Variants in KIRREL3 observed in about 807,000 individuals in gnomAD.
KIRREL3 encodes kin of IRRE-like protein 3.
KIRREL3 carries 36 observed loss-of-function variants against 89.7 expected under a neutral mutation model. The ratio of observed to expected loss-of-function variants is 0.40; its 90% CI spans 0.31 to 0.53. The LOEUF is 0.53. Among genes scored for constraint, KIRREL3 ranks in the 20% least tolerant of loss-of-function variants. KIRREL3 has a pLI of 0.49. For missense variants in KIRREL3, 864 were observed against 1,056.6 expected (o/e 0.82, Z 2.53); for synonymous variants, 445 against 441.4 (o/e 1.01, Z -0.10).
chr11:126,446,541 A>G (rs1955820524), intron 9 of KIRREL3, among the ~76,000 whole-genome samples: 1 of 152,230 alleles, frequency 6.6e-6, no homozygotes, highest in South Asian at 2.1e-4. Flanking sequence ...GGTTTAGGAC[A>G]GGGCAAGAGT....
At chr11:126,472,731 A>AGAGAGAGAGAGAGAGAGAGAGAGC (rs1416539561) in intron 5 of KIRREL3, among the ~76,000 whole-genome samples, 1 of 151,556 alleles carries the variant, frequency 6.6e-6, no homozygotes, top group East Asian at 1.9e-4. Flanking sequence ...AGAGAGAGAG[A>AGAGAGAGAGAGAGAGAGAGAGAGC]GCACAAGTCA....
rs886170876 is a variant in KIRREL3 at position 126,970,947 on chromosome 11, G to C, written c.55+29508C>G. On this transcript the variant is annotated intron_variant, in intron 1 of 16. Transcript: ENST00000525144. This position sits in a 1 kb window ranked among gnomAD's most constrained non-coding sequence, Gnocchi z 4.4. ...GCTATGGCTTCTCCCCCACCCACCAGTCTCCCTTACAGTAGCTGCGAGGTG... is the reference window on the plus strand; with the variant it reads ...GCTATGGCTTCTCCCCCACCCACCACTCTCCCTTACAGTAGCTGCGAGGTG... 7.2e-5 allele frequency among the ~76,000 whole-genome samples: 11 copies of C among 152,134 alleles called. No individual in the cohort carries two copies. The highest frequency in any genetic ancestry group is 6.5e-5 in the Admixed American group (1 of 15,278).
Position 126,912,337 on chromosome 11 carries a change from C to T in KIRREL3, c.55+88118G>A, listed in dbSNP as rs1946858780. On this transcript the variant is annotated intron_variant, in intron 1 of 16. Coordinates refer to ENST00000525144, the MANE Select transcript of KIRREL3 (RefSeq NM_032531.4). This position sits in a 1 kb window ranked among gnomAD's most constrained non-coding sequence, Gnocchi z 4.7. The stretch of plus-strand genomic sequence containing the variant: ...CATGTGCCCTGGGCTGGTCCTCCCT[C>T]AGCTCCCTCTCCTGTCTTCACCTCC... Among the ~76,000 whole-genome samples the T allele has an allele frequency of 6.6e-6, 1 of 152,158 alleles. No individual in the cohort carries two copies. Among genetic ancestry groups the T allele is most frequent in the South Asian group, 2.1e-4 (1 of 4,824 alleles).
chr11:126,639,609 C>T lies in KIRREL3; in HGVS notation c.56-76697G>A, dbSNP rs1380753746. Among the ~76,000 whole-genome samples, 2 of 152,210 alleles carry T rather than the reference C, an allele frequency of 1.3e-5. No individual in the cohort carries two copies. Among genetic ancestry groups the T allele is most frequent in the Non-Finnish European group, 2.9e-5 (2 of 68,042 alleles). On this transcript the variant is annotated intron_variant, in intron 1 of 16. Coordinates refer to ENST00000525144, the MANE Select transcript of KIRREL3 (RefSeq NM_032531.4). The surrounding 1 kb of genome is among the most constrained non-coding windows in gnomAD (Gnocchi z 4.3). ...CTCTGCAAGCTGGAGATGAGATCGG[C>T]TAATCCTGACTCTATTCTTTCGTCT...
chr11:126,461,666 G>T (rs1956547618), intron 6 of KIRREL3, among the ~76,000 whole-genome samples: 1 of 152,046 alleles, frequency 6.6e-6, no homozygotes, highest in African/African-American at 2.4e-5. Flanking sequence ...AATCTAAATG[G>T]TGTCTGTCAG....
At position 126,768,125 on chromosome 11, in the gene KIRREL3, T is replaced by TATCCATCTATCC. The variant is rs796875756; in HGVS notation, c.56-205225_56-205214dup. Among the ~76,000 whole-genome samples the TATCCATCTATCC allele has an allele frequency of 1.6e-5, 2 of 126,938 alleles. No homozygotes were observed. The allele number at this position is 126,938 out of a possible 152,430, so 83.3% of individuals were successfully genotyped here. A position where few individuals can be genotyped will look rare whatever the true frequency, so the allele number is the denominator to read the frequency against. On this transcript the variant is annotated intron_variant, in intron 1 of 16. Transcript: ENST00000525144. The surrounding 1 kb of genome is among the most constrained non-coding windows in gnomAD (Gnocchi z 4.5). Reference sequence around the variant, plus strand: ...TCATCCATCTGTCCATCCATCTGTCTATCCATCTATCCATCCATCCATCCA... The same window carrying TATCCATCTATCC: ...TCATCCATCTGTCCATCCATCTGTCTATCCATCTATCCATCCATCTATCCATCCATCCATCCA...
Position 126,645,498 on chromosome 11 carries a change from A to G in KIRREL3, c.56-82586T>C, listed in dbSNP as rs537676753. ...TGAGAGCTCTAGAAATATTTGTGGC[A>G]TGAATGAAAGAATTCATGAGTAATA... On this transcript the variant is annotated intron_variant, in intron 1 of 16. Coordinates refer to ENST00000525144, the MANE Select transcript of KIRREL3 (RefSeq NM_032531.4). The surrounding 1 kb of genome is among the most constrained non-coding windows in gnomAD (Gnocchi z 4.9). Among the ~76,000 whole-genome samples the G allele has an allele frequency of 6.6e-6, 1 of 152,350 alleles. No homozygotes were observed. The highest frequency in any genetic ancestry group is 2.1e-4 in the South Asian group (1 of 4,828).
chr11:126,770,519 A>G (rs1949986961), intron 1 of KIRREL3, among the ~76,000 whole-genome samples: 1 of 152,212 alleles, frequency 6.6e-6, no homozygotes, highest in Non-Finnish European at 1.5e-5. Context: ...GAATCTTTTT[A>G]AAAATGCCTT....
rs568535297 is a variant in KIRREL3, at chr11:126,606,380, G to C, written c.56-43468C>G. On this transcript the variant is annotated intron_variant, in intron 1 of 16. Transcript: ENST00000525144. The surrounding 1 kb of genome is among the most constrained non-coding windows in gnomAD (Gnocchi z 4.6). The stretch of plus-strand genomic sequence containing the variant: ...TCAGTTTCCAAGTCTGTAAAATACG[G>C]GGAAATAATACCTAACTCATGGAGC... Among the ~76,000 whole-genome samples the C allele has an allele frequency of 6.6e-6, 1 of 152,134 alleles. No individual in the cohort carries two copies. Among genetic ancestry groups the C allele is most frequent in the Non-Finnish European group, 1.5e-5 (1 of 68,032 alleles).
chr11:126,747,001 AGG>A lies in KIRREL3; in HGVS notation c.56-184091_56-184090del, dbSNP rs1949174396. ...GTTCTAATTAGTGCTGGCTGCTTCC[AGG>A]GTATATTCTGAAGCATAGACATGCT... On this transcript the variant is annotated intron_variant, in intron 1 of 16. Transcript: ENST00000525144. The surrounding 1 kb of genome is among the most constrained non-coding windows in gnomAD (Gnocchi z 4.7). 6.6e-6 allele frequency among the ~76,000 whole-genome samples: 1 copy of A among 152,190 alleles called. No homozygotes were observed. The highest frequency in any genetic ancestry group is 2.4e-5 in the African/African-American group (1 of 41,454).
At position 126,511,540 on chromosome 11, in the gene KIRREL3, G is replaced by A. The variant is rs140646655; in HGVS notation, c.433+9775C>T. On this transcript the variant is annotated intron_variant, in intron 4 of 16. Coordinates refer to ENST00000525144, the MANE Select transcript of KIRREL3 (RefSeq NM_032531.4). The stretch of plus-strand genomic sequence containing the variant: ...ACCATAGCTGTTAGTCTTGGCTCCC[G>A]GCTCATGGGCATTGCGTCTTCTGCT... Among the ~76,000 whole-genome samples the A allele has an allele frequency of 5.1e-3, 774 of 152,264 alleles. 8 individuals carry two copies. The highest frequency in any genetic ancestry group is 0.017 in the African/African-American group (702 of 41,556).
At position 126,537,446 on chromosome 11, in the gene KIRREL3, G is replaced by A. The variant is rs1937988897; in HGVS notation, c.134-10759C>T. ...GGGGAGGAAGCAGAGAAGGCATCCTGGAGGAGGAATCATAATATGGGGAAA... is the reference window on the plus strand; with the variant it reads ...GGGGAGGAAGCAGAGAAGGCATCCTAGAGGAGGAATCATAATATGGGGAAA... On this transcript the variant is annotated intron_variant, in intron 2 of 16. Coordinates refer to ENST00000525144, the MANE Select transcript of KIRREL3 (RefSeq NM_032531.4). This position sits in a 1 kb window ranked among gnomAD's most constrained non-coding sequence, Gnocchi z 4.3. 6.6e-6 allele frequency among the ~76,000 whole-genome samples: 1 copy of A among 152,188 alleles called. No individual in the cohort carries two copies. The highest frequency in any genetic ancestry group is 2.1e-4 in the South Asian group (1 of 4,832).
rs1183829646 is a variant in KIRREL3 at position 127,000,559 on chromosome 11, T to C, written c.-50A>G. On this transcript the variant is annotated 5_prime_UTR_variant, in exon 1 of 17. Transcript: ENST00000525144. The surrounding 1 kb of genome is among the most constrained non-coding windows in gnomAD (Gnocchi z 7.1). ...GGCGGGGTAACTTGGCTGTGGTTAG[T>C]TTCTCTTCCTTGGCGGCTCTCGGTG... 1.9e-6 allele frequency: 3 copies of C among 1,565,098 alleles called. No homozygotes were observed. Among genetic ancestry groups the C allele is most frequent in the Non-Finnish European group, 2.6e-6 (3 of 1,154,208 alleles).
chr11:126,559,937 C>A (rs1236982882), intron 2 of KIRREL3, among the ~76,000 whole-genome samples: 3 of 152,120 alleles, frequency 2.0e-5, no homozygotes, highest in African/African-American at 7.2e-5. Context: ...CCTGCCTTGG[C>A]CTCTCAGAGT....
chr11:126,964,905 T>C (rs1385460604), intron 1 of KIRREL3, among the ~76,000 whole-genome samples: 1 of 152,144 alleles, frequency 6.6e-6, no homozygotes, highest in Non-Finnish European at 1.5e-5. Flanking sequence ...GTGACATAGA[T>C]TAAGATACTA....
chr11:126,756,517 A>C (rs927427315), intron 1 of KIRREL3, among the ~76,000 whole-genome samples: 1 of 152,234 alleles, frequency 6.6e-6, no homozygotes, highest in South Asian at 2.1e-4. Context: ...CCAACAGTTG[A>C]CCAGGACCAG....
chr11:126,818,217 T>G (rs10750342), intron 1 of KIRREL3, among the ~76,000 whole-genome samples: 2 of 152,090 alleles, frequency 1.3e-5, no homozygotes, highest in Admixed American at 1.3e-4. Flanking sequence ...TTTTCACAGC[T>G]GGGGAAAGGA....
rs533773458 is a variant in KIRREL3, at chr11:126,691,209, G to T, written c.56-128297C>A. Among the ~76,000 whole-genome samples, 316 of 152,252 alleles carry T rather than the reference G, an allele frequency of 2.1e-3. 1 individual carries two copies. The highest frequency in any genetic ancestry group is 3.5e-3 in the Non-Finnish European group (236 of 68,020). On this transcript the variant is annotated intron_variant, in intron 1 of 16. Transcript: ENST00000525144. Reference sequence around the variant, plus strand: ...GCAGTGCTGATGGGAAGGAGAAATTGTACAGCCACTTTGTCATGATCTCGT... The same window carrying T: ...GCAGTGCTGATGGGAAGGAGAAATTTTACAGCCACTTTGTCATGATCTCGT...
chr11:126,738,138 C>T (rs750232948), intron 1 of KIRREL3, among the ~76,000 whole-genome samples: 4 of 152,228 alleles, frequency 2.6e-5, no homozygotes, highest in Non-Finnish European at 4.4e-5. Flanking sequence ...CTAGACCTTC[C>T]GATATGCCAG....
Sources: gnomAD v4.1 joint callset for allele counts (sites outside exome capture counted in the v4.1 genomes callset) on GRCh38, gnomAD v4.1.1 for gene constraint, Gnocchi (gnomAD v3.1) non-coding constraint, MANE v1.5 for transcripts, NCBI Gene and HGNC (gene_info 2026-07-23, HGNC 2026-07-21) for gene names.